OSM: variants seen among roughly 807,000 people sequenced by gnomAD.
OSM encodes oncostatin M, also known as oncostatin-M.
OSM carries 1 observed loss-of-function variant against 6.3 expected under a neutral mutation model. The observed-to-expected ratio is 0.16, with a 90% CI of 0.06 to 0.76. The LOEUF is 0.76. OSM is among the 30% of genes least tolerant of loss of function. The probability of loss-of-function intolerance (pLI) is 0.77; values close to 1 mark genes in which losing one functional copy is unlikely to be tolerated. For missense variants in OSM, 324 were observed against 336.9 expected, an observed-to-expected ratio of 0.96 and a Z score of 0.30; for synonymous variants, 135 against 143.4, an observed-to-expected ratio of 0.94 and a Z score of 0.42.
In OSM at chr22:30,263,954, T is replaced by C; in HGVS notation, c.688A>G (p.Lys230Glu). ...GAGGGTCTGGTCCTGCGCACCCCCT[T>C]CCTCAGGGCCTGGTGGGGGCTGTGT... ...RRHSPHQALR[K>E]GVRRTRPSRK... Residue 230 changes from lysine (K) to glutamate (E), a missense_variant, in exon 3 of 3, where the codon AAG (lysine) becomes GAG (glutamate). Coordinates refer to ENST00000215781, the MANE Select transcript of OSM (RefSeq NM_020530.6). The C allele has an allele frequency of 2.0e-6, 3 of 1,526,086 alleles. No individual in the cohort carries two copies. The highest frequency in any genetic ancestry group is 2.6e-6 in the Non-Finnish European group (3 of 1,138,298). 94.5% of individuals were successfully genotyped at this position (1,526,086 alleles called of 1,614,324 possible). A position where few individuals can be genotyped will look rare whatever the true frequency, so the allele number is the denominator to read the frequency against.
At chr22:30,264,585 G>A (rs547318877) in intron 2 of OSM, 121 bp from the exon 3 acceptor site, 66 of 844,332 alleles carry the variant, frequency 7.8e-5, no homozygotes, top group Admixed American at 5.4e-4. Context: ...GGACAGATCC[G>A]GAAACTGAGG....
intron 1 of OSM, 72 bp from the exon 2 acceptor site, chr22:30,265,216 T>C: frequency 2.6e-6 from 4 of 1,559,670 alleles, no homozygotes; most frequent in Non-Finnish European, 3.5e-6. Context: ...GGGAGGGGGT[T>C]CAAGAGGGCC....
At chr22:30,264,928 C>T (rs1455192468) in intron 2 of OSM, 74 bp downstream of exon 2, 38 of 1,557,778 alleles carry the variant, frequency 2.4e-5, no homozygotes, top group Non-Finnish European at 3.2e-5. Context: ...TAGGCCTGTC[C>T]TCCCTGCTTC....
rs202039863 is a variant in OSM, at chr22:30,263,630, G to C, written c.*253C>G. The C allele has an allele frequency of 2.5e-6, 1 of 406,958 alleles. No homozygotes were observed. The allele number at this position is 406,958 out of a possible 1,614,324, so 25.2% of individuals were successfully genotyped here. On this transcript the variant is annotated 3_prime_UTR_variant, in exon 3 of 3. Transcript: ENST00000215781. ...CCTGAATCAATGGAAAGTCGGTCCC[G>C]CGTGGCCCGCCCGGCCACCCCACTG... is the stretch of plus-strand genomic sequence containing the variant.
intron 2 of OSM, 124 bp downstream of exon 2, chr22:30,264,878 T>C (rs1929349769): frequency 1.7e-6 from 2 of 1,208,072 alleles, no homozygotes; most frequent in South Asian, 2.8e-5. Flanking sequence ...TGGAATAACA[T>C]AGCGACTCAG....
chr22:30,264,129 C>A lies in OSM; in HGVS notation c.513G>T (p.Gly171=). The change falls in exon 3 of 3, where the codon GGG becomes GGT. Residue 171 remains glycine, a synonymous_variant. Coordinates refer to ENST00000215781, the MANE Select transcript of OSM (RefSeq NM_020530.6). Reference sequence around the variant, plus strand: ...GGGTGGGGGTGGGCGGCTGAGAGGCCCCCCGGCCAGCCTTCGTGGGCTCAG... The same window carrying A: ...GGGTGGGGGTGGGCGGCTGAGAGGCACCCCGGCCAGCCTTCGTGGGCTCAG... ...DTAEPTKAGR[G]ASQPPTPTPA... is the part of the protein sequence containing the mutation. 1.2e-6 allele frequency: 2 copies of A among 1,612,460 alleles called. No homozygotes were observed. Among genetic ancestry groups the A allele is most frequent in the Non-Finnish European group, 1.7e-6 (2 of 1,179,044 alleles).
rs1032712329 is a variant in OSM, at chr22:30,266,197, C to T, written c.34+569G>A. Among the ~76,000 whole-genome samples, 5 of 152,162 alleles carry T rather than the reference C, an allele frequency of 3.3e-5. No homozygotes were observed. The highest frequency in any genetic ancestry group is 1.2e-4 in the African/African-American group (5 of 41,440). On this transcript the variant is annotated intron_variant, in intron 1 of 2. Transcript: ENST00000215781. This position sits in a 1 kb window ranked among gnomAD's most constrained non-coding sequence, Gnocchi z 5.0. ...GCTGTGCATCTGGGTCTGTGTGCGG[C>T]GTGAGGGAGACCTGTTCCGTTCACC... is the stretch of plus-strand genomic sequence containing the variant.
At position 30,266,734 on chromosome 22, in the gene OSM, C is replaced by T. The variant is rs200578717; in HGVS notation, c.34+32G>A. On this transcript the variant is annotated intron_variant, in intron 1 of 2. Transcript: ENST00000215781. This position sits in a 1 kb window ranked among gnomAD's most constrained non-coding sequence, Gnocchi z 5.0. ...GGCACCCGTGGGCAGACCCAGCAGG[C>T]GGGTTCTGGCGGGGAGGAAGGAAGT... The T allele has an allele frequency of 1.5e-5, 24 of 1,611,992 alleles. No homozygotes were observed. Among genetic ancestry groups the T allele is most frequent in the African/African-American group, 4.0e-5 (3 of 74,842 alleles).
rs971713216 is a variant in OSM, at chr22:30,265,264, G to A, written c.35-120C>T. 17 of 1,508,048 alleles carry A rather than the reference G, an allele frequency of 1.1e-5. No homozygotes were observed. In the South Asian group the frequency reaches 1.9e-4, roughly 17 times the overall value. The allele number at this position is 1,508,048 out of a possible 1,614,324, so 93.4% of individuals were successfully genotyped here. On this transcript the variant is annotated intron_variant, in intron 1 of 2. Transcript: ENST00000215781. ...TCCTTCATCCCAGACTTTGTGTAGT[G>A]GAGGGCGGGGGCTGGGCACTGTGTG... is the stretch of plus-strand genomic sequence containing the variant.
rs767153018 is a variant in OSM at position 30,264,149 on chromosome 22, G to A, written c.493C>T (p.Pro165Ser). ...GAGGCCCCCCGGCCAGCCTTCGTGG[G>A]CTCAGCCGTGTCTGAGTTGTCCAGC... ...QLLDNSDTAE[P>S]TKAGRGASQP... is the part of the protein sequence containing the mutation. The change falls in exon 3 of 3, where the codon CCC (proline) becomes TCC (serine). Residue 165 changes from proline to serine, a missense_variant. Pro to Ser is a moderately conservative substitution (Grantham distance 74). Coordinates refer to ENST00000215781, the MANE Select transcript of OSM (RefSeq NM_020530.6). 1.9e-6 allele frequency: 3 copies of A among 1,613,464 alleles called. No individual in the cohort carries two copies. The South Asian group carries it at 3.3e-5, about 18-fold the overall frequency.
In OSM at chr22:30,263,519, T is replaced by C. The variant is rs1929294490; in HGVS notation, c.*364A>G. The C allele has an allele frequency of 7.9e-6, 2 of 253,586 alleles. No individual in the cohort carries two copies. Among genetic ancestry groups the C allele is most frequent in the Non-Finnish European group, 1.5e-5 (2 of 134,070 alleles). 15.7% of individuals were successfully genotyped at this position (253,586 alleles called of 1,614,324 possible). ...AGTCTGGGGGCAACGGCCCTGCAAG[T>C]CATGAGAGGGAAGGACCGGCAGGCC... On this transcript the variant is annotated 3_prime_UTR_variant, in exon 3 of 3. Coordinates refer to ENST00000215781, the MANE Select transcript of OSM (RefSeq NM_020530.6).
At chr22:30,265,703 G>A (rs900756831) in intron 1 of OSM, 1 of 154,208 alleles carries the variant, frequency 6.5e-6, no homozygotes, top group Admixed American at 6.4e-5. Context: ...AACAGATGTG[G>A]AAGACCTTCC....
rs200002012 is a variant in OSM, at chr22:30,266,811, G to A, written c.-12C>T. On this transcript the variant is annotated 5_prime_UTR_variant, in exon 1 of 3. In the 5' UTR this introduces an upstream ATG that the reference lacks. Transcript: ENST00000215781. This position sits in a 1 kb window ranked among gnomAD's most constrained non-coding sequence, Gnocchi z 5.0. The stretch of plus-strand genomic sequence containing the variant: ...AGCAGTACCCCCATGCTGGGTGCCC[G>A]TGCTCCGGCCCGCGCCCGCTGGGGG... The A allele has an allele frequency of 1.2e-6, 2 of 1,610,960 alleles. No individual in the cohort carries two copies. Among genetic ancestry groups the A allele is most frequent in the Non-Finnish European group, 1.7e-6 (2 of 1,178,294 alleles).
rs971673051 is a variant in OSM at position 30,263,948 on chromosome 22, C to T, written c.694G>A (p.Val232Met). The change falls in exon 3 of 3, where the codon GTG becomes ATG. Residue 232 changes from valine (V) to methionine (M), a missense_variant. Transcript: ENST00000215781. Reference protein sequence around the residue: ...HSPHQALRKGVRRTRPSRKGK... With the variant: ...HSPHQALRKGMRRTRPSRKGK... ...TTCCTGGAGGGTCTGGTCCTGCGCA[C>T]CCCCTTCCTCAGGGCCTGGTGGGGG... 8.5e-6 allele frequency: 13 copies of T among 1,523,524 alleles called. No homozygotes were observed. The African/African-American group carries it at 1.5e-4, about 18-fold the overall frequency. 94.4% of individuals were successfully genotyped at this position (1,523,524 alleles called of 1,614,324 possible). A position where few individuals can be genotyped will look rare whatever the true frequency, so the allele number is the denominator to read the frequency against.
In OSM at chr22:30,264,469, C is replaced by A. The variant is rs754092023; in HGVS notation, c.178-5G>T. The A allele has an allele frequency of 3.1e-6, 5 of 1,595,088 alleles. No homozygotes were observed. The highest frequency in any genetic ancestry group is 1.7e-4 in the Middle Eastern group (1 of 6,022). On this transcript the variant is annotated splice_polypyrimidine_tract_variant and splice_region_variant and intron_variant, in intron 2 of 2. Coordinates refer to ENST00000215781, the MANE Select transcript of OSM (RefSeq NM_020530.6). ...ATCCAGGCCTTGGATACGTATCTGG[C>A]GGGAACAGGAGGATCACAGGGTGAA...
rs1601653302 is a variant in OSM at position 30,264,113 on chromosome 22, T to C, written c.529A>G (p.Thr177Ala). 6.2e-7 allele frequency: 1 copy of C among 1,609,686 alleles called. No individual in the cohort carries two copies. Among genetic ancestry groups the C allele is most frequent in the Admixed American group, 1.7e-5 (1 of 59,906 alleles). Residue 177 changes from threonine (T) to alanine (A), a missense_variant, in exon 3 of 3, where the codon ACC (threonine) becomes GCC (alanine). By Grantham distance (58) the Thr-to-Ala change is moderately conservative. Transcript: ENST00000215781. ...AAAGCATCCGAGGCAGGGGTGGGGG[T>C]GGGCGGCTGAGAGGCCCCCCGGCCA... ...KAGRGASQPPTPTPASDAFQR... is the reference protein window; with the variant it reads ...KAGRGASQPPAPTPASDAFQR...
rs201796676 is a variant in OSM, at chr22:30,264,159, G to C, written c.483C>G (p.Asp161Glu). The stretch of plus-strand genomic sequence containing the variant: ...GGCCAGCCTTCGTGGGCTCAGCCGT[G>C]TCTGAGTTGTCCAGCAGCTGGGCCA... ...YCMAQLLDNS[D>E]TAEPTKAGRG... The change falls in exon 3 of 3, where the codon GAC becomes GAG. Residue 161 changes from aspartate (D) to glutamate (E), a missense_variant. By Grantham distance (45) the Asp-to-Glu change is conservative. Coordinates refer to ENST00000215781, the MANE Select transcript of OSM (RefSeq NM_020530.6). The C allele has an allele frequency of 2.1e-4, 334 of 1,613,690 alleles. No individual in the cohort carries two copies. The highest frequency in any genetic ancestry group is 1.4e-3 in the Admixed American group (83 of 60,006).
rs200546565 is a variant in OSM, at chr22:30,266,829, G to A, written c.-30C>T. 46 of 1,608,754 alleles carry A rather than the reference G, an allele frequency of 2.9e-5. No individual in the cohort carries two copies. In the African/African-American group the frequency reaches 3.2e-4, roughly 11 times the overall value. Reference sequence around the variant, plus strand: ...GGTGCCCGTGCTCCGGCCCGCGCCCGCTGGGGGTGACACCTCTCGGCTGGG... The same window carrying A: ...GGTGCCCGTGCTCCGGCCCGCGCCCACTGGGGGTGACACCTCTCGGCTGGG... On this transcript the variant is annotated 5_prime_UTR_variant, in exon 1 of 3. Coordinates refer to ENST00000215781, the MANE Select transcript of OSM (RefSeq NM_020530.6). This position sits in a 1 kb window ranked among gnomAD's most constrained non-coding sequence, Gnocchi z 5.0.
Position 30,266,218 on chromosome 22 carries a change from T to G in OSM, c.34+548A>C, listed in dbSNP as rs2145737999. Among the ~76,000 whole-genome samples the G allele has an allele frequency of 6.6e-6, 1 of 152,298 alleles. No homozygotes were observed. Among genetic ancestry groups the G allele is most frequent in the African/African-American group, 2.4e-5 (1 of 41,580 alleles). ...GCGGCGTGAGGGAGACCTGTTCCGT[T>G]CACCATGGGGACTCTGGTCTGCATG... On this transcript the variant is annotated intron_variant, in intron 1 of 2. Coordinates refer to ENST00000215781, the MANE Select transcript of OSM (RefSeq NM_020530.6). The surrounding 1 kb of genome is among the most constrained non-coding windows in gnomAD (Gnocchi z 5.0).
Sources: allele counts gnomAD v4.1 joint callset (sites outside exome capture counted in the v4.1 genomes callset), GRCh38; gene constraint gnomAD v4.1.1; non-coding constraint Gnocchi (gnomAD v3.1); transcripts MANE v1.5; gene names NCBI Gene and HGNC (gene_info 2026-07-23, HGNC 2026-07-21).